The following SCNN1G variants were observed in gnomAD, a reference collection of about 807,000 sequenced individuals.
The protein encoded by SCNN1G is sodium channel epithelial 1 subunit gamma.
SCNN1G carries 27 observed loss-of-function variants against 64.6 expected under a neutral mutation model. That is an observed-to-expected ratio of 0.42 (90% CI 0.31 to 0.58). The LOEUF is 0.58. Ranked by LOEUF, SCNN1G falls within the 20% of genes least tolerant of loss-of-function variation. SCNN1G has a pLI of 0.18. For synonymous variants in SCNN1G, 330 were observed against 314.2 expected (o/e 1.05, Z -0.53); for missense variants, 743 against 823.4 (o/e 0.90, Z 1.19).
At chr16:23,198,668 G>T (rs897286177) in intron 6 of SCNN1G, among the ~76,000 whole-genome samples, 34 of 151,568 alleles carry the variant, frequency 2.2e-4, no homozygotes, top group African/African-American at 8.0e-4. Flanking sequence ...ACCTCAGGGA[G>T]GTCGAGGCTT....
At chr16:23,194,312 C>A in intron 5 of SCNN1G, 38 bp downstream of exon 5, 2 of 1,337,668 alleles carry the variant, frequency 1.5e-6, no homozygotes, top group Non-Finnish European at 2.2e-6. Context: ...TGAGGCCCTC[C>A]AATAGTGGAC....
intron 6 of SCNN1G, among the ~76,000 whole-genome samples, chr16:23,204,608 GC>G (rs1419075908): frequency 1.3e-5 from 2 of 150,252 alleles, no homozygotes; most frequent in Non-Finnish European, 3.0e-5. Flanking sequence ...ATGATTATTT[GC>G]CGTATGTGTT....
chr16:23,208,620 CCCCTT>C (rs1320892023), intron 6 of SCNN1G, among the ~76,000 whole-genome samples: 26 of 145,554 alleles, frequency 1.8e-4, no homozygotes, highest in East Asian at 1.5e-3. Context: ...CCCCTCCCCT[CCCCTT>C]CCCTTCCCGC....
At chr16:23,187,048 C>T (rs1959620556) in intron 2 of SCNN1G, among the ~76,000 whole-genome samples, 2 of 151,858 alleles carry the variant, frequency 1.3e-5, no homozygotes, top group Admixed American at 6.6e-5. Context: ...GTGATCCACC[C>T]GCCTTGGCCT....
At chr16:23,202,769 A>T (rs1959913855) in intron 6 of SCNN1G, among the ~76,000 whole-genome samples, 1 of 152,168 alleles carries the variant, frequency 6.6e-6, no homozygotes, top group South Asian at 2.1e-4. Flanking sequence ...AGTTAGATTG[A>T]TATTTAGGTC....
At chr16:23,202,936 G>A (rs368707555) in intron 6 of SCNN1G, among the ~76,000 whole-genome samples, 8 of 152,306 alleles carry the variant, frequency 5.3e-5, no homozygotes, top group African/African-American at 1.9e-4. Context: ...TTCATTAGAT[G>A]CTATGGACCT....
chr16:23,201,981 T>C (rs530716163), intron 6 of SCNN1G, among the ~76,000 whole-genome samples: 3 of 152,276 alleles, frequency 2.0e-5, no homozygotes, highest in African/African-American at 7.2e-5. Context: ...CATATCTGGC[T>C]AATTTTTACA....
intron 6 of SCNN1G, among the ~76,000 whole-genome samples, chr16:23,207,377 C>T (rs992413108): frequency 2.6e-5 from 4 of 152,242 alleles, no homozygotes; most frequent in Non-Finnish European, 5.9e-5. Flanking sequence ...AACGCTTCTG[C>T]CCAGGGATCC....
intron 11 of SCNN1G, among the ~76,000 whole-genome samples, chr16:23,214,469 G>A (rs762208468): frequency 3.3e-5 from 5 of 152,232 alleles, no homozygotes; most frequent in African/African-American, 7.2e-5. Context: ...TGGCTGGGTC[G>A]ACTGACTTAA....
intron 5 of SCNN1G, among the ~76,000 whole-genome samples, chr16:23,196,748 C>T (rs572927387): frequency 6.6e-6 from 1 of 152,292 alleles, no homozygotes. Context: ...TCTTAGTTCC[C>T]ATGTGCACTG....
intron 6 of SCNN1G, among the ~76,000 whole-genome samples, chr16:23,208,913 T>C (rs1333730481): frequency 1.3e-5 from 2 of 152,066 alleles, no homozygotes; most frequent in Admixed American, 1.3e-4. Flanking sequence ...CTGCTCATCT[T>C]TCTAATCCCT....
intron 5 of SCNN1G, among the ~76,000 whole-genome samples, chr16:23,195,558 T>C (rs1301133572): frequency 6.6e-6 from 1 of 152,204 alleles, no homozygotes; most frequent in Non-Finnish European, 1.5e-5. Flanking sequence ...GTCTGTGCTC[T>C]TACTAAGTCT....
intron 4 of SCNN1G, among the ~76,000 whole-genome samples, chr16:23,193,337 G>A (rs1479599825): frequency 1.3e-5 from 2 of 152,096 alleles, no homozygotes; most frequent in African/African-American, 4.8e-5. Context: ...TGACTGAGCA[G>A]TGGGTGAGAC....
intron 6 of SCNN1G, among the ~76,000 whole-genome samples, chr16:23,199,784 G>T (rs1249732720): frequency 7.0e-6 from 1 of 142,790 alleles, no homozygotes; most frequent in African/African-American, 2.6e-5. Flanking sequence ...CCACTCTCCT[G>T]CCTCAGCCTC....
intron 6 of SCNN1G, among the ~76,000 whole-genome samples, chr16:23,197,747 G>A (rs1959819578): frequency 6.6e-6 from 1 of 152,146 alleles, no homozygotes; most frequent in Non-Finnish European, 1.5e-5. Flanking sequence ...GGGTATGGTA[G>A]TGTGTGCCTG....
chr16:23,210,018 T>C (rs1240478570), intron 7 of SCNN1G, among the ~76,000 whole-genome samples, 170 bp downstream of exon 7: 1 of 152,234 alleles, frequency 6.6e-6, no homozygotes, highest in East Asian at 1.9e-4. Flanking sequence ...TCCTCTGCAG[T>C]TCGTCTGTAA....
chr16:23,188,798 A>G (rs535953024), intron 2 of SCNN1G, among the ~76,000 whole-genome samples: 1 of 152,240 alleles, frequency 6.6e-6, no homozygotes, highest in Admixed American at 6.5e-5. Context: ...GAGAGAGTTA[A>G]GAGGAGGCTG....
Position 23,203,769 on chromosome 16 carries a change from C to CAAAA in SCNN1G, c.1078-5957_1078-5954dup, listed in dbSNP as rs71151702. On this transcript the variant is annotated intron_variant, in intron 6 of 12. Coordinates refer to ENST00000300061, the MANE Select transcript of SCNN1G (RefSeq NM_001039.4). ...TGGGCGACAGAGTGAGACTCCGTCT[C>CAAAA]AAAAAAAAAAAAAAAAAAAAAAAAA... Among the ~76,000 whole-genome samples, 15 of 42,266 alleles carry CAAAA rather than the reference C, an allele frequency of 3.5e-4. 1 individual carries two copies. The highest frequency in any genetic ancestry group is 1.1e-3 in the African/African-American group (8 of 7,504). 27.7% of individuals were successfully genotyped at this position (42,266 alleles called of 152,430 possible). A position where few individuals can be genotyped will look rare whatever the true frequency, so the allele number is the denominator to read the frequency against.
intron 1 of SCNN1G, among the ~76,000 whole-genome samples, chr16:23,184,101 A>G (rs1959566071): frequency 6.6e-6 from 1 of 152,236 alleles, no homozygotes; most frequent in African/African-American, 2.4e-5. Context: ...ATCTAATGGT[A>G]GCTACAGTCT....
Sources: gnomAD v4.1 joint callset for allele counts (sites outside exome capture counted in the v4.1 genomes callset) on GRCh38, gnomAD v4.1.1 for gene constraint, MANE v1.5 for transcripts, NCBI Gene and HGNC (gene_info 2026-07-23, HGNC 2026-07-21) for gene names.